AUTS2: variants seen among roughly 807,000 people sequenced by gnomAD.
AUTS2 encodes autism susceptibility gene 2 protein.
In AUTS2, 17 loss-of-function variants were observed where a neutral mutation model predicts 112.4. The ratio of observed to expected loss-of-function variants is 0.15; its 90% CI spans 0.10 to 0.23. The LOEUF (loss-of-function observed/expected upper bound fraction) is 0.23. Among genes scored for constraint, AUTS2 ranks in the 10% least tolerant of loss-of-function variants. The probability of loss-of-function intolerance (pLI) is 1.00; values close to 1 mark genes in which losing one functional copy is unlikely to be tolerated. For synonymous variants in AUTS2, 751 were observed against 702.7 expected, an observed-to-expected ratio of 1.07 and a Z score of -1.09; for missense variants, 1,510 against 1,701.6, an observed-to-expected ratio of 0.89 and a Z score of 1.98.
chr7:70,283,929 C>CA (rs924740208), intron 4 of AUTS2, among the ~76,000 whole-genome samples: 1 of 152,136 alleles, frequency 6.6e-6, no homozygotes, highest in Non-Finnish European at 1.5e-5. Flanking sequence ...TTTTCAAAGA[C>CA]AAAATCAGAT....
intron 4 of AUTS2, among the ~76,000 whole-genome samples, chr7:70,159,641 G>A (rs983198588): frequency 6.6e-6 from 1 of 152,006 alleles, no homozygotes; most frequent in Non-Finnish European, 1.5e-5. Context: ...CAATGCTGGG[G>A]GTGTTTAAAT....
At chr7:70,675,358 T>C (rs531675371) in intron 5 of AUTS2, among the ~76,000 whole-genome samples, 1 of 152,162 alleles carries the variant, frequency 6.6e-6, no homozygotes, top group East Asian at 1.9e-4. Context: ...CCAGGTGTGG[T>C]GGTGCATGCC....
intron 1 of AUTS2, among the ~76,000 whole-genome samples, chr7:69,775,911 G>A (rs1788873138): frequency 6.6e-6 from 1 of 152,088 alleles, no homozygotes; most frequent in Non-Finnish European, 1.5e-5. Context: ...TTAAATAATA[G>A]ATCCTTGAGA....
At chr7:70,335,690 G>A (rs139263061) in intron 4 of AUTS2, among the ~76,000 whole-genome samples, 28 of 152,312 alleles carry the variant, frequency 1.8e-4, no homozygotes, top group African/African-American at 6.5e-4. Context: ...GGAGATCTAC[G>A]GAGATGAAAA....
chr7:70,017,644 A>G (rs1800087312), intron 2 of AUTS2, among the ~76,000 whole-genome samples: 1 of 152,130 alleles, frequency 6.6e-6, no homozygotes, highest in South Asian at 2.1e-4. Context: ...GGCCTCTTCA[A>G]CCCAAGAAGA....
intron 4 of AUTS2, among the ~76,000 whole-genome samples, chr7:70,430,252 G>C (rs1795599961): frequency 6.6e-6 from 1 of 152,170 alleles, no homozygotes; most frequent in African/African-American, 2.4e-5. Flanking sequence ...GGGCAACGTG[G>C]GAGAGGGGCA....
At chr7:70,738,297 T>C (rs1046610456) in intron 6 of AUTS2, among the ~76,000 whole-genome samples, 5 of 152,254 alleles carry the variant, frequency 3.3e-5, no homozygotes, top group East Asian at 1.9e-4. Context: ...TTCTCTCCAA[T>C]TGGCCAGAGA....
At chr7:70,232,745 G>A (rs556492773) in intron 4 of AUTS2, among the ~76,000 whole-genome samples, 11 of 152,228 alleles carry the variant, frequency 7.2e-5, no homozygotes, top group Admixed American at 2.0e-4. Context: ...TCATTGTCAT[G>A]ACAAGAGTCA....
intron 4 of AUTS2, among the ~76,000 whole-genome samples, chr7:70,313,600 T>G (rs998861749): frequency 1.3e-5 from 2 of 152,184 alleles, no homozygotes; most frequent in African/African-American, 4.8e-5. Flanking sequence ...AGAAAATTTC[T>G]GATAATAAGC....
chr7:70,491,399 G>GGT (rs1244973009), intron 5 of AUTS2, among the ~76,000 whole-genome samples: 8 of 134,016 alleles, frequency 6.0e-5, no homozygotes, highest in African/African-American at 2.1e-4. Context: ...TAAATGACTT[G>GGT]GTGTGTGTGC....
intron 1 of AUTS2, among the ~76,000 whole-genome samples, chr7:69,844,714 A>C (rs1307725448): frequency 1.3e-5 from 2 of 152,048 alleles, no homozygotes; most frequent in Non-Finnish European, 2.9e-5. Flanking sequence ...AGCTCTCTAG[A>C]TCTGTTGTTT....
intron 1 of AUTS2, among the ~76,000 whole-genome samples, chr7:69,745,708 G>A (rs1474336666): frequency 1.3e-5 from 2 of 152,086 alleles, no homozygotes; most frequent in African/African-American, 4.8e-5. Flanking sequence ...TACATTTGGG[G>A]GAAGTAATAT....
intron 5 of AUTS2, among the ~76,000 whole-genome samples, chr7:70,588,717 C>T (rs1201001080): frequency 6.6e-6 from 1 of 151,988 alleles, no homozygotes; most frequent in Admixed American, 6.6e-5. Flanking sequence ...TTTCATTTTT[C>T]ATAATGTCAC....
chr7:70,633,072 T>C (rs900962194), intron 5 of AUTS2, among the ~76,000 whole-genome samples: 1 of 152,026 alleles, frequency 6.6e-6, no homozygotes, highest in African/African-American at 2.4e-5. Flanking sequence ...CCATGCCCCA[T>C]GGGGTAGAGG....
intron 4 of AUTS2, among the ~76,000 whole-genome samples, chr7:70,377,328 ATAT>A: frequency 8.5e-5 from 1 of 11,720 alleles, no homozygotes; most frequent in Middle Eastern, 0.031. Context: ...AAATATAAAT[ATAT>A]ATATATATAT....
chr7:70,373,283 G>A (rs1004854789), intron 4 of AUTS2, among the ~76,000 whole-genome samples: 1 of 151,998 alleles, frequency 6.6e-6, no homozygotes, highest in African/African-American at 2.4e-5. Flanking sequence ...GGGATTTCAG[G>A]GAGGTTTGTA....
intron 1 of AUTS2, among the ~76,000 whole-genome samples, chr7:69,788,219 T>C (rs1012356794): frequency 3.9e-5 from 6 of 152,170 alleles, no homozygotes; most frequent in African/African-American, 1.2e-4. Context: ...GTGGCAGAGT[T>C]GTCTCTGGCT....
chr7:70,130,445 G>A (rs1806211704), intron 3 of AUTS2, among the ~76,000 whole-genome samples: 1 of 152,138 alleles, frequency 6.6e-6, no homozygotes, highest in East Asian at 1.9e-4. Flanking sequence ...AAGGCAAGTG[G>A]GGGGAAATGA....
intron 5 of AUTS2, among the ~76,000 whole-genome samples, chr7:70,672,131 A>G (rs10257489): frequency 0.54 from 81,933 of 152,082 alleles, 23,248 homozygotes; most frequent in African/African-American, 0.71. Context: ...TTAAAGTGCC[A>G]ATGGACAATC....
Sources: gnomAD v4.1 joint callset for allele counts (sites outside exome capture counted in the v4.1 genomes callset) on GRCh38, gnomAD v4.1.1 for gene constraint, MANE v1.5 for transcripts, NCBI Gene and HGNC (gene_info 2026-07-23, HGNC 2026-07-21) for gene names.